The following RALGPS2 variants were observed in gnomAD, a reference collection of about 807,000 sequenced individuals.
RALGPS2 encodes the protein ras-specific guanine nucleotide-releasing factor RalGPS2.
A neutral mutation model predicts 86.8 loss-of-function variants in RALGPS2; 43 were observed. The ratio of observed to expected loss-of-function variants is 0.50; its 90% CI spans 0.39 to 0.64. The LOEUF is 0.64. Among genes scored for constraint, RALGPS2 ranks in the 30% least tolerant of loss-of-function variants. RALGPS2 has a pLI of 0.00. For missense variants in RALGPS2, 536 were observed against 694.6 expected, an observed-to-expected ratio of 0.77 and a Z score of 2.57; for synonymous variants, 243 against 231.3, an observed-to-expected ratio of 1.05 and a Z score of -0.46.
At chr1:178,776,930 T>C (rs903581975) in intron 2 of RALGPS2, 109 bp downstream of exon 2, 1 of 799,726 alleles carries the variant, frequency 1.3e-6, no homozygotes, top group Admixed American at 3.0e-5. Context: ...AGTGCAGAAA[T>C]ACACATTTCC....
At chr1:178,791,190 G>A (rs909757780) in intron 4 of RALGPS2, among the ~76,000 whole-genome samples, 2 of 151,858 alleles carry the variant, frequency 1.3e-5, no homozygotes, top group African/African-American at 4.8e-5. Flanking sequence ...GCATGATCAC[G>A]GCCCACTGCA....
chr1:178,756,958 G>A (rs1486316272), intron 1 of RALGPS2, among the ~76,000 whole-genome samples: 4 of 152,060 alleles, frequency 2.6e-5, no homozygotes, highest in Non-Finnish European at 5.9e-5. Flanking sequence ...TGCATCATAT[G>A]TGATTTCTTT....
At chr1:178,852,927 TTC>T (rs747508264) in intron 8 of RALGPS2, 1 of 1,612,518 alleles carries the variant, frequency 6.2e-7, no homozygotes, top group South Asian at 1.1e-5. Flanking sequence ...CAAGCCAGTA[TTC>T]TCCGTCAATG....
chr1:178,753,836 G>C (rs1034162559), intron 1 of RALGPS2: 1 of 151,910 alleles, frequency 6.6e-6, no homozygotes, highest in African/African-American at 2.4e-5. Flanking sequence ...GCAGGTTGAA[G>C]GTTTTTTTTT....
chr1:178,865,724 G>A lies in RALGPS2; in HGVS notation c.608-11774G>A, dbSNP rs1001307337. 4.5e-5 allele frequency: 73 copies of A among 1,613,182 alleles called. 1 individual carries two copies. Among genetic ancestry groups the A allele is most frequent in the Non-Finnish European group, 5.9e-6 (7 of 1,179,904 alleles). On this transcript the variant is annotated intron_variant, in intron 8 of 19. Transcript: ENST00000367635. ...GAATTGTCCACCTCTGCAATGTCCA[G>A]TGTCCACTAGTAGGAAGAATAGCAC... is the stretch of plus-strand genomic sequence containing the variant.
chr1:178,876,012 A>C (rs1481220981), intron 8 of RALGPS2, among the ~76,000 whole-genome samples: 2 of 152,180 alleles, frequency 1.3e-5, no homozygotes, highest in African/African-American at 4.8e-5. Flanking sequence ...AAGAAAAAAA[A>C]GTATGATAGG....
intron 13 of RALGPS2, among the ~76,000 whole-genome samples, chr1:178,887,871 G>C (rs1346473046): frequency 6.6e-6 from 1 of 152,020 alleles, no homozygotes; most frequent in African/African-American, 2.4e-5. Context: ...TTTTGCAAAA[G>C]AAAGAACTTT....
At chr1:178,796,976 T>G (rs926039103) in intron 4 of RALGPS2, among the ~76,000 whole-genome samples, 2 of 152,234 alleles carry the variant, frequency 1.3e-5, no homozygotes, top group African/African-American at 4.8e-5. Context: ...AATTGCAAGT[T>G]AAATCCATTG....
At position 178,735,733 on chromosome 1, in the gene RALGPS2, C is replaced by T. The variant is rs750427505; in HGVS notation, c.-84+10314C>T. Among the ~76,000 whole-genome samples the T allele has an allele frequency of 4.7e-5, 7 of 149,328 alleles. No homozygotes were observed. The South Asian group carries it at 1.5e-3, about 32-fold the overall frequency. On this transcript the variant is annotated intron_variant, in intron 1 of 19. Coordinates refer to ENST00000367635, the MANE Select transcript of RALGPS2 (RefSeq NM_152663.5). ...GTACATTATATTTGTACATGTATCTCAAAAGTAAAAAATGAAACCATAAAA... is the reference window on the plus strand; with the variant it reads ...GTACATTATATTTGTACATGTATCTTAAAAGTAAAAAATGAAACCATAAAA...
chr1:178,801,770 T>C (rs896574235), intron 4 of RALGPS2, among the ~76,000 whole-genome samples: 1 of 120,684 alleles, frequency 8.3e-6, no homozygotes, highest in Admixed American at 1.0e-4. Context: ...CAAGAGCTAA[T>C]AAACACCACA....
chr1:178,778,172 A>G (rs1171838986), intron 2 of RALGPS2, among the ~76,000 whole-genome samples: 2 of 126,340 alleles, frequency 1.6e-5, no homozygotes, highest in Non-Finnish European at 3.2e-5. Flanking sequence ...TCCAGAATCT[A>G]CAATGAACTC....
At chr1:178,761,421 C>G (rs1652234663) in intron 1 of RALGPS2, among the ~76,000 whole-genome samples, 1 of 150,042 alleles carries the variant, frequency 6.7e-6, no homozygotes, top group Non-Finnish European at 1.5e-5. Context: ...TTGAGTGACA[C>G]TCTGTCTCAA....
intron 8 of RALGPS2, among the ~76,000 whole-genome samples, chr1:178,835,695 A>G (rs1656242293): frequency 6.6e-6 from 1 of 152,096 alleles, no homozygotes; most frequent in African/African-American, 2.4e-5. Context: ...ACCCAGCTGT[A>G]GTGATGTCTT....
chr1:178,810,173 C>T (rs952709548), intron 5 of RALGPS2, among the ~76,000 whole-genome samples: 2 of 151,938 alleles, frequency 1.3e-5, no homozygotes, highest in Admixed American at 6.6e-5. Context: ...CACCTGAGCT[C>T]GGGAGTTTGA....
At chr1:178,871,117 G>A (rs1292756757) in intron 8 of RALGPS2, 1 of 152,074 alleles carries the variant, frequency 6.6e-6, no homozygotes. Flanking sequence ...GTAGACTCAA[G>A]TTCAGCCCAC....
chr1:178,762,996 C>G (rs1652328074), intron 1 of RALGPS2, among the ~76,000 whole-genome samples: 1 of 152,144 alleles, frequency 6.6e-6, no homozygotes, highest in African/African-American at 2.4e-5. Context: ...AGTCTTTACT[C>G]CATCTTGAGT....
chr1:178,890,753 TTA>T (rs1659684447), intron 14 of RALGPS2, among the ~76,000 whole-genome samples: 1 of 151,992 alleles, frequency 6.6e-6, no homozygotes, highest in African/African-American at 2.4e-5. Context: ...TCTACTCTAA[TTA>T]TCAGTGTTCC....
chr1:178,824,255 G>A (rs1655642355), intron 7 of RALGPS2, among the ~76,000 whole-genome samples: 1 of 152,112 alleles, frequency 6.6e-6, no homozygotes, highest in Non-Finnish European at 1.5e-5. Context: ...TATAGAGAAT[G>A]CTTTTGAGGA....
chr1:178,774,284 A>G (rs58385449), intron 1 of RALGPS2, among the ~76,000 whole-genome samples: 23,178 of 152,048 alleles, frequency 0.15, 2,053 homozygotes, highest in East Asian at 0.31. Context: ...AAAAAAAAAA[A>G]TAAAAGGAGA....
Sources: gnomAD v4.1 joint callset for allele counts (sites outside exome capture counted in the v4.1 genomes callset) on GRCh38, gnomAD v4.1.1 for gene constraint, MANE v1.5 for transcripts, NCBI Gene and HGNC (gene_info 2026-07-23, HGNC 2026-07-21) for gene names.